The following SLC4A4 variants were observed in gnomAD, a reference collection of about 807,000 sequenced individuals.
SLC4A4 encodes solute carrier family 4 member 4.
Under a neutral mutation model 111.5 loss-of-function variants are expected in SLC4A4, and 27 were observed. The ratio of observed to expected loss-of-function variants is 0.24; its 90% CI spans 0.18 to 0.33. The LOEUF is 0.33. Among genes scored for constraint, SLC4A4 ranks in the 10% least tolerant of loss-of-function variants. The pLI, the probability that SLC4A4 is intolerant of heterozygous loss-of-function variation, is 1.00. For synonymous variants in SLC4A4, 443 were observed against 463.4 expected (o/e 0.96, Z 0.57); for missense variants, 909 against 1,315.5 (o/e 0.69, Z 4.78).
upstream of SLC4A4, among the ~76,000 whole-genome samples, chr4:71,186,388 G>C (rs71599993): frequency 0.046 from 6,949 of 152,264 alleles, 231 homozygotes; most frequent in Non-Finnish European, 0.071. Flanking sequence ...AGAGTGATCT[G>C]AGCTGGGAAA....
At chr4:71,298,287 C>T (rs1724967669) in intron 3 of SLC4A4, among the ~76,000 whole-genome samples, 1 of 152,114 alleles carries the variant, frequency 6.6e-6, no homozygotes, top group Non-Finnish European at 1.5e-5. Flanking sequence ...ATAAGGGTTA[C>T]TGCTAAGCAG....
intron 14 of SLC4A4, among the ~76,000 whole-genome samples, chr4:71,477,739 C>T (rs1448098476): frequency 6.6e-6 from 1 of 151,744 alleles, no homozygotes; most frequent in East Asian, 2.0e-4. Context: ...GGCATCCCCC[C>T]AACTTTCACT....
chr4:71,231,293 G>T (rs1439244843), intron 1 of SLC4A4, among the ~76,000 whole-genome samples: 9 of 152,196 alleles, frequency 5.9e-5, no homozygotes, highest in Admixed American at 5.2e-4. Context: ...TTGGCAGTTG[G>T]CATGGGCTCT....
intron 3 of SLC4A4, among the ~76,000 whole-genome samples, chr4:71,286,893 GTTA>G (rs1723960020): frequency 6.6e-6 from 1 of 151,668 alleles, no homozygotes; most frequent in Admixed American, 6.6e-5. Flanking sequence ...TGAGGTAAAT[GTTA>G]TTATTATTTT....
Position 71,220,878 on chromosome 4 carries a change from C to T in SLC4A4, c.-1-15698C>T, listed in dbSNP as rs183048171. On this transcript the variant is annotated intron_variant, in intron 1 of 25. Coordinates refer to ENST00000264485, the MANE Select transcript of SLC4A4 (RefSeq NM_001098484.3). ...CTCCTCTCCCTCCTTCCACACTCCCCGCTAAAGTAGACCCCAGTGTCTGTT... is the reference window on the plus strand; with the variant it reads ...CTCCTCTCCCTCCTTCCACACTCCCTGCTAAAGTAGACCCCAGTGTCTGTT... Among the ~76,000 whole-genome samples, 112 of 152,226 alleles carry T rather than the reference C, an allele frequency of 7.4e-4. 2 individuals carry two copies. Among genetic ancestry groups the T allele is most frequent in the African/African-American group, 2.5e-3 (102 of 41,536 alleles).
intron 20 of SLC4A4, among the ~76,000 whole-genome samples, chr4:71,552,659 A>T (rs1197272708): frequency 3.3e-5 from 5 of 151,728 alleles, no homozygotes; most frequent in Non-Finnish European, 5.9e-5. Context: ...TAGGGTCAAT[A>T]CTTGATTTCA....
chr4:71,300,131 TC>T (rs1725111576), intron 3 of SLC4A4: 1 of 159,272 alleles, frequency 6.3e-6, no homozygotes, highest in African/African-American at 2.4e-5. Flanking sequence ...CTCTCACTTC[TC>T]CAGCTTTTCT....
At chr4:71,193,167 T>A (rs1255804061) in intron 1 of SLC4A4, among the ~76,000 whole-genome samples, 1 of 152,206 alleles carries the variant, frequency 6.6e-6, no homozygotes, top group Non-Finnish European at 1.5e-5. Context: ...TTCTTACGTA[T>A]GTCTTTTGGT....
chr4:71,346,245 A>G (rs925236576), intron 4 of SLC4A4, among the ~76,000 whole-genome samples: 1 of 152,074 alleles, frequency 6.6e-6, no homozygotes, highest in Non-Finnish European at 1.5e-5. Context: ...TTCTTCTAAG[A>G]CCTTGGAATA....
At chr4:71,463,142 A>G (rs1466473167) in intron 12 of SLC4A4, among the ~76,000 whole-genome samples, 1 of 152,180 alleles carries the variant, frequency 6.6e-6, no homozygotes, top group Non-Finnish European at 1.5e-5. Flanking sequence ...AATGGACTAG[A>G]GCACTTTGTG....
At chr4:71,112,467 G>C (rs1321020456) in intron 2 of SLC4A4, among the ~76,000 whole-genome samples, 1 of 152,154 alleles carries the variant, frequency 6.6e-6, no homozygotes, top group Admixed American at 6.5e-5. Flanking sequence ...AATTAAACTT[G>C]ATAACTGAGA....
At chr4:71,144,875 C>G (rs572625730) in intron 2 of SLC4A4, among the ~76,000 whole-genome samples, 1 of 152,126 alleles carries the variant, frequency 6.6e-6, no homozygotes, top group Non-Finnish European at 1.5e-5. Flanking sequence ...TCTAGATATA[C>G]AATCATGTCA....
chr4:71,189,093 G>T (rs1368929393), intron 1 of SLC4A4, among the ~76,000 whole-genome samples: 1 of 152,142 alleles, frequency 6.6e-6, no homozygotes, highest in Non-Finnish European at 1.5e-5. Context: ...ACATTTGTAG[G>T]AGTGGGGGTG....
intron 4 of SLC4A4, among the ~76,000 whole-genome samples, chr4:71,344,248 C>T (rs192856046): frequency 9.9e-5 from 15 of 152,224 alleles, no homozygotes; most frequent in South Asian, 2.1e-4. Flanking sequence ...AGAAATAGAA[C>T]CTTGATTCTT....
At chr4:71,349,793 TC>T in intron 4 of SLC4A4, 118 bp from the exon 5 acceptor site, 1 of 874,528 alleles carries the variant, frequency 1.1e-6, no homozygotes, top group Non-Finnish European at 1.9e-6. Context: ...CTATTAATAC[TC>T]CACAAAAAGA....
At chr4:71,280,042 C>T (rs1301305042) in intron 3 of SLC4A4, among the ~76,000 whole-genome samples, 2 of 152,238 alleles carry the variant, frequency 1.3e-5, no homozygotes, top group African/African-American at 2.4e-5. Flanking sequence ...GATCTGCCCA[C>T]CTTGGCCTCC....
chr4:71,472,882 C>G lies in SLC4A4; in HGVS notation c.1815C>G (p.Ile605Met). Reference sequence around the variant, plus strand: ...TCTATGATGCTTTCAAGAAGATGATCAAGCTTGCAGATTACTACCCCATCA... The same window carrying G: ...TCTATGATGCTTTCAAGAAGATGATGAAGCTTGCAGATTACTACCCCATCA... The part of the protein sequence containing the change: ...IFIYDAFKKM[I>M]KLADYYPINS... Residue 605 changes from isoleucine to methionine, a missense_variant, in exon 14 of 26, where the codon ATC (isoleucine) becomes ATG (methionine). By Grantham distance (10) the Ile-to-Met change is conservative. Coordinates refer to ENST00000264485, the MANE Select transcript of SLC4A4 (RefSeq NM_001098484.3). 6.2e-7 allele frequency: 1 copy of G among 1,612,860 alleles called. No homozygotes were observed. Among genetic ancestry groups the G allele is most frequent in the South Asian group, 1.1e-5 (1 of 91,034 alleles).
chr4:71,484,187 A>G (rs1180150343), intron 14 of SLC4A4, among the ~76,000 whole-genome samples: 2 of 151,580 alleles, frequency 1.3e-5, no homozygotes, highest in African/African-American at 4.8e-5. Context: ...ATTAAATTCC[A>G]TTTGTCAATT....
At chr4:71,188,311 CTG>C (rs941087155) in intron 1 of SLC4A4, among the ~76,000 whole-genome samples, 2 of 152,160 alleles carry the variant, frequency 1.3e-5, no homozygotes, top group Non-Finnish European at 2.9e-5. Flanking sequence ...CCCTGTAAAA[CTG>C]TTTTTTTCTA....
Sources: allele counts gnomAD v4.1 joint callset (sites outside exome capture counted in the v4.1 genomes callset), GRCh38; gene constraint gnomAD v4.1.1; transcripts MANE v1.5; gene names NCBI Gene and HGNC (gene_info 2026-07-23, HGNC 2026-07-21).